The following TRPM3 variants were observed in gnomAD, a reference collection of about 807,000 sequenced individuals.
TRPM3 encodes long transient receptor potential channel 3.
Under a neutral mutation model 181.2 loss-of-function variants are expected in TRPM3, and 77 were observed. The observed-to-expected ratio is 0.42, with a 90% CI of 0.35 to 0.51. The LOEUF is 0.51. Among genes scored for constraint, TRPM3 ranks in the 20% least tolerant of loss-of-function variants. TRPM3 has a pLI of 0.01. For missense variants in TRPM3, 1,759 were observed against 2,196.7 expected (o/e 0.80, Z 3.98); for synonymous variants, 745 against 796.4 (o/e 0.94, Z 1.09).
intron 7 of TRPM3, among the ~76,000 whole-genome samples, chr9:70,781,326 T>TGAAA (rs2082387763): frequency 9.4e-6 from 1 of 106,156 alleles, no homozygotes; most frequent in African/African-American, 3.7e-5. Flanking sequence ...TTCCATTTCA[T>TGAAA]AAAAAAAAAA....
At chr9:70,551,099 C>G (rs1305002049) in intron 24 of TRPM3, among the ~76,000 whole-genome samples, 1 of 152,124 alleles carries the variant, frequency 6.6e-6, no homozygotes, top group Non-Finnish European at 1.5e-5. Flanking sequence ...ATATGTAACG[C>G]CTTTTTAACA....
At position 70,997,284 on chromosome 9, in the gene TRPM3, C is replaced by T. The variant is rs547990379; in HGVS notation, c.177+123894G>A. ...CACGATGTCAGCTCACTGCAGGCTC[C>T]GCCTCCTGGGTTCACGCTATTCTGC... On this transcript the variant is annotated intron_variant, in intron 1 of 25. Transcript: ENST00000677713. 7.6e-4 allele frequency among the ~76,000 whole-genome samples: 116 copies of T among 152,254 alleles called. 2 individuals are homozygous for T. Among genetic ancestry groups the T allele is most frequent in the Admixed American group, 3.9e-3 (59 of 15,288 alleles).
chr9:70,594,056 T>C (rs2058580926), intron 21 of TRPM3, among the ~76,000 whole-genome samples: 1 of 147,188 alleles, frequency 6.8e-6, no homozygotes, highest in Non-Finnish European at 1.5e-5. Flanking sequence ...AATAGCTACA[T>C]GGAAAAAAAC....
At chr9:70,765,784 A>G (rs2078996853) in intron 7 of TRPM3, among the ~76,000 whole-genome samples, 1 of 152,068 alleles carries the variant, frequency 6.6e-6, no homozygotes, top group Non-Finnish European at 1.5e-5. Flanking sequence ...ATTATTGTCT[A>G]GTTCTTCCCA....
chr9:70,905,547 T>C (rs183263019), intron 1 of TRPM3, among the ~76,000 whole-genome samples: 40 of 152,342 alleles, frequency 2.6e-4, no homozygotes, highest in Admixed American at 5.2e-4. Context: ...TATTTAGTTA[T>C]TCTGAAGAGT....
chr9:70,698,406 T>A (rs2071307174), intron 8 of TRPM3, among the ~76,000 whole-genome samples: 1 of 152,122 alleles, frequency 6.6e-6, no homozygotes, highest in African/African-American at 2.4e-5. Context: ...GTTCCTTATC[T>A]GAAAAGTGGG....
chr9:70,897,904 G>T (rs779317204), intron 1 of TRPM3, among the ~76,000 whole-genome samples: 2 of 152,166 alleles, frequency 1.3e-5, no homozygotes, highest in East Asian at 3.9e-4. Context: ...CAAGGCTCAC[G>T]TTGTGTAGGG....
At chr9:70,805,226 G>C (rs1399677482) in intron 6 of TRPM3, among the ~76,000 whole-genome samples, 2 of 151,132 alleles carry the variant, frequency 1.3e-5, no homozygotes, top group African/African-American at 2.4e-5. Flanking sequence ...AGACTGGGGT[G>C]GGGGAGGTGG....
intron 1 of TRPM3, among the ~76,000 whole-genome samples, chr9:71,438,888 A>C (rs1436860020): frequency 1.3e-5 from 2 of 152,210 alleles, no homozygotes; most frequent in African/African-American, 2.4e-5. Context: ...ATATGTTTGT[A>C]ATATCCCACA....
chr9:70,810,413 C>T (rs2091795206), intron 6 of TRPM3, among the ~76,000 whole-genome samples: 2 of 150,414 alleles, frequency 1.3e-5, no homozygotes, highest in Non-Finnish European at 3.0e-5. Flanking sequence ...CTCCATCGCC[C>T]TGTTCTATGG....
intron 25 of TRPM3, among the ~76,000 whole-genome samples, chr9:70,547,594 C>T (rs191449366): frequency 3.6e-4 from 55 of 151,612 alleles, no homozygotes; most frequent in African/African-American, 1.2e-3. Context: ...ATTCTAAAAC[C>T]CACACAAACA....
intron 1 of TRPM3, among the ~76,000 whole-genome samples, chr9:71,267,935 A>G (rs1012947044): frequency 2.6e-5 from 4 of 152,302 alleles, no homozygotes; most frequent in African/African-American, 7.2e-5. Context: ...TCCCACTTCA[A>G]TGTATTTAAA....
intron 1 of TRPM3, among the ~76,000 whole-genome samples, chr9:71,264,236 G>A (rs1200138021): frequency 1.3e-5 from 2 of 152,132 alleles, no homozygotes; most frequent in African/African-American, 4.8e-5. Flanking sequence ...AAAGGGCCAA[G>A]AGCTGAGGAA....
At chr9:70,905,744 CT>C (rs35625466) in intron 1 of TRPM3, among the ~76,000 whole-genome samples, 35 of 146,460 alleles carry the variant, frequency 2.4e-4, no homozygotes, top group East Asian at 6.1e-4. Context: ...AAAGTCGTTT[CT>C]TTTTTTTTTT....
intron 1 of TRPM3, among the ~76,000 whole-genome samples, chr9:71,013,423 G>A (rs1254320240): frequency 1.3e-5 from 2 of 151,422 alleles, no homozygotes; most frequent in Non-Finnish European, 3.0e-5. Flanking sequence ...ATTTGGAATC[G>A]ATGCCATTCT....
At chr9:70,843,276 G>C in intron 4 of TRPM3, 149 bp from the exon 5 acceptor site, 1 of 813,862 alleles carries the variant, frequency 1.2e-6, no homozygotes, top group Non-Finnish European at 1.8e-6. Context: ...CTTGTATTTA[G>C]GAGAAAACAT....
chr9:70,770,209 G>A (rs764969705), intron 7 of TRPM3, among the ~76,000 whole-genome samples: 2 of 152,154 alleles, frequency 1.3e-5, no homozygotes, highest in Non-Finnish European at 2.9e-5. Context: ...AATTCAAGAA[G>A]TGAACTGGCT....
chr9:71,407,458 C>T (rs561412754), intron 1 of TRPM3, among the ~76,000 whole-genome samples: 9 of 152,322 alleles, frequency 5.9e-5, no homozygotes, highest in South Asian at 2.1e-4. Flanking sequence ...CCAATGCCCA[C>T]GGGGCCTTGC....
At chr9:70,634,711 T>C (rs2066559720) in intron 12 of TRPM3, among the ~76,000 whole-genome samples, 2 of 152,096 alleles carry the variant, frequency 1.3e-5, no homozygotes, top group South Asian at 4.1e-4. Flanking sequence ...TGTGAAAAAA[T>C]ATTCTGGAAA....
Sources: gnomAD v4.1 joint callset for allele counts (sites outside exome capture counted in the v4.1 genomes callset) on GRCh38, gnomAD v4.1.1 for gene constraint, MANE v1.5 for transcripts, NCBI Gene and HGNC (gene_info 2026-07-23, HGNC 2026-07-21) for gene names.